SGCE: variants seen among roughly 807,000 people sequenced by gnomAD.
SGCE encodes epsilon-sarcoglycan.
SGCE carries 26 observed loss-of-function variants against 57.8 expected under a neutral mutation model. That is an observed-to-expected ratio of 0.45 (90% CI 0.33 to 0.62). SGCE has a LOEUF of 0.62. Ranked by LOEUF, SGCE falls within the 20% of genes least tolerant of loss-of-function variation. The pLI is 0.02. For missense variants in SGCE, 468 were observed against 548.6 expected, an observed-to-expected ratio of 0.85 and a Z score of 1.47; for synonymous variants, 183 against 189.5, an observed-to-expected ratio of 0.97 and a Z score of 0.28.
At chr7:94,613,223 T>C (rs1801337433) in intron 5 of SGCE, among the ~76,000 whole-genome samples, 1 of 152,250 alleles carries the variant, frequency 6.6e-6, no homozygotes, top group Non-Finnish European at 1.5e-5. Context: ...GTAGAATCAC[T>C]AAGTTTGAAC....
rs1584663425 is a variant in SGCE, at chr7:94,623,340, TATTA to T, written c.444_447del (p.Asn149Ter). Reference sequence around the variant, plus strand: ...TCATACCTACCTTCTGCAGACATTATATTAATTATCAAATTATGCCTTGCAGTCT... The same window carrying T: ...TCATACCTACCTTCTGCAGACATTATATTATCAAATTATGCCTTGCAGTCT... On this transcript the variant is annotated frameshift_variant, in exon 4 of 11. Transcript: ENST00000648936. LOFTEE classifies it high-confidence loss of function. 1.3e-6 allele frequency: 2 copies of T among 1,595,288 alleles called. No homozygotes were observed. The highest frequency in any genetic ancestry group is 1.7e-6 in the Non-Finnish European group (2 of 1,164,602).
intron 9 of SGCE, among the ~76,000 whole-genome samples, chr7:94,595,780 T>C (rs1461305021): frequency 6.6e-6 from 1 of 152,116 alleles, no homozygotes; most frequent in Non-Finnish European, 1.5e-5. Context: ...TTATCTGGCA[T>C]GGCTGGAAAA....
At chr7:94,629,875 G>T in intron 1 of SGCE, 34 bp from the exon 2 acceptor site, 2 of 1,607,858 alleles carry the variant, frequency 1.2e-6, no homozygotes, top group Non-Finnish European at 1.7e-6. Context: ...GTGACAGAAA[G>T]ACAAATAATG....
chr7:94,619,433 T>C (rs1466822453), intron 4 of SGCE: 1 of 152,788 alleles, frequency 6.5e-6, no homozygotes, highest in Non-Finnish European at 1.5e-5. Context: ...CCACTTCACA[T>C]TGTTGGAGAT....
At chr7:94,638,108 G>A (rs964288908) in intron 1 of SGCE, among the ~76,000 whole-genome samples, 1 of 152,178 alleles carries the variant, frequency 6.6e-6, no homozygotes, top group Non-Finnish European at 1.5e-5. Context: ...AGAGAATGTG[G>A]GGAAAAGAAC....
chr7:94,625,231 T>C (rs1288055595), intron 3 of SGCE: 1 of 152,034 alleles, frequency 6.6e-6, no homozygotes, highest in Non-Finnish European at 1.5e-5. Context: ...AAATATTATA[T>C]ATTTAAGATA....
chr7:94,606,443 G>A (rs934361459), intron 5 of SGCE, among the ~76,000 whole-genome samples: 5 of 152,162 alleles, frequency 3.3e-5, no homozygotes, highest in African/African-American at 1.2e-4. Flanking sequence ...TCCTTAATGT[G>A]TATATGCCTC....
intron 5 of SGCE, among the ~76,000 whole-genome samples, chr7:94,611,889 A>G (rs532020858): frequency 1.1e-4 from 17 of 152,326 alleles, no homozygotes; most frequent in Non-Finnish European, 2.2e-4. Flanking sequence ...TGGGAAACAA[A>G]TAGTAAATAA....
intron 1 of SGCE, among the ~76,000 whole-genome samples, chr7:94,640,220 C>T (rs989270555): frequency 1.3e-5 from 2 of 152,066 alleles, no homozygotes; most frequent in African/African-American, 4.8e-5. Flanking sequence ...ACTAGTTGGA[C>T]ATCTAGGTGA....
chr7:94,648,209 C>A (rs1481542211), intron 1 of SGCE, among the ~76,000 whole-genome samples: 1 of 151,740 alleles, frequency 6.6e-6, no homozygotes, highest in Non-Finnish European at 1.5e-5. Flanking sequence ...TCCGTCTTTA[C>A]TAAAAATACA....
At chr7:94,593,662 C>T (rs1251917289) in intron 9 of SGCE, among the ~76,000 whole-genome samples, 1 of 151,908 alleles carries the variant, frequency 6.6e-6, no homozygotes, top group East Asian at 1.9e-4. Flanking sequence ...CACCATTTTC[C>T]TCAGGCAGTT....
intron 1 of SGCE, among the ~76,000 whole-genome samples, chr7:94,645,937 A>C (rs997289730): frequency 1.3e-5 from 2 of 152,210 alleles, no homozygotes; most frequent in African/African-American, 2.4e-5. Flanking sequence ...ATTATATAAT[A>C]ATACTGCACT....
intron 10 of SGCE, chr7:94,587,822 A>G: frequency 6.5e-7 from 1 of 1,542,374 alleles, no homozygotes; most frequent in Non-Finnish European, 8.7e-7. Flanking sequence ...CCTTAAATTC[A>G]CGAAAGCAGT....
chr7:94,603,566 TC>T (rs1420378826), intron 5 of SGCE, 114 bp from the exon 6 acceptor site: 1 of 947,390 alleles, frequency 1.1e-6, no homozygotes, highest in East Asian at 2.6e-5. Flanking sequence ...ACTAGACTCA[TC>T]CCTGAGGTAG....
At chr7:94,636,404 T>A (rs2117019888) in intron 1 of SGCE, among the ~76,000 whole-genome samples, 1 of 152,320 alleles carries the variant, frequency 6.6e-6, no homozygotes, top group Admixed American at 6.5e-5. Flanking sequence ...TCCTGACAGT[T>A]ACTAACAATC....
intron 9 of SGCE, among the ~76,000 whole-genome samples, chr7:94,595,191 T>G (rs1287951241): frequency 1.3e-5 from 2 of 152,178 alleles, no homozygotes; most frequent in African/African-American, 4.8e-5. Flanking sequence ...TGTGAAACAT[T>G]CTACCAAAAA....
intron 1 of SGCE, among the ~76,000 whole-genome samples, chr7:94,633,176 C>G (rs189506197): frequency 1.3e-5 from 2 of 151,822 alleles, no homozygotes; most frequent in African/African-American, 4.8e-5. Flanking sequence ...TGCAAACATA[C>G]GCCACTAGAT....
At chr7:94,641,671 AG>A (rs1806394800) in intron 1 of SGCE, among the ~76,000 whole-genome samples, 1 of 152,232 alleles carries the variant, frequency 6.6e-6, no homozygotes, top group African/African-American at 2.4e-5. Flanking sequence ...TTAATAAATC[AG>A]AAGTAAAAGG....
At chr7:94,652,008 G>A (rs1241363588) in intron 1 of SGCE, among the ~76,000 whole-genome samples, 1 of 151,884 alleles carries the variant, frequency 6.6e-6, no homozygotes, top group African/African-American at 2.4e-5. Flanking sequence ...ATAACAGACT[G>A]GAGAACTGGA....
Sources: allele counts gnomAD v4.1 joint callset (sites outside exome capture counted in the v4.1 genomes callset), GRCh38; gene constraint gnomAD v4.1.1; transcripts MANE v1.5; gene names NCBI Gene and HGNC (gene_info 2026-07-23, HGNC 2026-07-21).